SGK1: variants seen among roughly 807,000 people sequenced by gnomAD.
The protein encoded by SGK1 is serum/glucocorticoid regulated kinase 1, also known as serine/threonine-protein kinase Sgk1.
Under a neutral mutation model 64.2 loss-of-function variants are expected in SGK1, and 26 were observed. The observed-to-expected ratio is 0.40, with a 90% CI of 0.30 to 0.56. The LOEUF is 0.56. Ranked by LOEUF, SGK1 falls within the 20% of genes least tolerant of loss-of-function variation. The pLI, the probability that SGK1 is intolerant of heterozygous loss-of-function variation, is 0.38. For missense variants in SGK1, 519 were observed against 645.6 expected (o/e 0.80, Z 2.12); for synonymous variants, 265 against 239.7 (o/e 1.11, Z -0.98).
At chr6:134,286,338 G>A (rs1304520290) in intron 1 of SGK1, among the ~76,000 whole-genome samples, 1 of 152,144 alleles carries the variant, frequency 6.6e-6, no homozygotes, top group Admixed American at 6.5e-5. Flanking sequence ...CACACCTGTA[G>A]TCCCAACTGC....
At chr6:134,238,027 T>C (rs1324691473) in intron 2 of SGK1, among the ~76,000 whole-genome samples, 1 of 152,224 alleles carries the variant, frequency 6.6e-6, no homozygotes, top group Non-Finnish European at 1.5e-5. Context: ...TTGTATGACT[T>C]AATAATTCTT....
intron 1 of SGK1, among the ~76,000 whole-genome samples, chr6:134,294,992 G>A (rs1777324153): frequency 6.6e-6 from 1 of 152,156 alleles, no homozygotes; most frequent in Non-Finnish European, 1.5e-5. Context: ...GCAGGTCCTG[G>A]TAAAACGATT....
intron 3 of SGK1, among the ~76,000 whole-genome samples, chr6:134,186,244 G>C (rs537530962): frequency 6.6e-6 from 1 of 152,142 alleles, no homozygotes; most frequent in Non-Finnish European, 1.5e-5. Context: ...CACCTGTTCT[G>C]TGTACAACAG....
intron 13 of SGK1, 93 bp downstream of exon 13, chr6:134,170,733 A>G: frequency 1.2e-6 from 1 of 858,248 alleles, no homozygotes. Context: ...AACATCTGCC[A>G]ATGTATTCCT....
intron 3 of SGK1, chr6:134,176,026 A>C: frequency 9.9e-7 from 1 of 1,010,734 alleles, no homozygotes; most frequent in Non-Finnish European, 1.2e-6. Context: ...AATCTCTGAG[A>C]ACATTTTGTC....
chr6:134,279,881 G>C lies in SGK1; in HGVS notation c.70-17733C>G, dbSNP rs551156107. ...AAGTAAAATATAAACACTTAGCTTT[G>C]CTTAGAAAGCCTACTGTTGGGAAAA... is the stretch of plus-strand genomic sequence containing the variant. On this transcript the variant is annotated intron_variant, in intron 1 of 13. Coordinates refer to ENST00000367858, the MANE Select transcript of SGK1 (RefSeq NM_001143676.3). Among the ~76,000 whole-genome samples, 16 of 152,208 alleles carry C rather than the reference G, an allele frequency of 1.1e-4. No individual in the cohort carries two copies. In the South Asian group the frequency reaches 3.3e-3, roughly 32 times the overall value.
chr6:134,189,306 AATC>A (rs1195232922), intron 3 of SGK1, among the ~76,000 whole-genome samples: 1 of 151,864 alleles, frequency 6.6e-6, no homozygotes, highest in Non-Finnish European at 1.5e-5. Flanking sequence ...TTTGTTCCCT[AATC>A]ATCATTTCAC....
At chr6:134,192,801 C>T (rs528588920) in intron 3 of SGK1, among the ~76,000 whole-genome samples, 15 of 152,250 alleles carry the variant, frequency 9.9e-5, no homozygotes, top group African/African-American at 3.6e-4. Context: ...TCAAATGACC[C>T]GCCTGCCTTG....
chr6:134,192,501 C>T (rs1489778382), intron 3 of SGK1, among the ~76,000 whole-genome samples: 6 of 152,204 alleles, frequency 3.9e-5, no homozygotes, highest in South Asian at 2.1e-4. Flanking sequence ...CTCTTGAATT[C>T]GCTGGGGACC....
intron 3 of SGK1, among the ~76,000 whole-genome samples, chr6:134,178,173 G>A (rs535131254): frequency 3.9e-5 from 6 of 152,270 alleles, no homozygotes; most frequent in African/African-American, 1.4e-4. Flanking sequence ...AGATGCAACC[G>A]TATGATTTGT....
chr6:134,221,399 C>T (rs1275907534), intron 2 of SGK1, among the ~76,000 whole-genome samples: 3 of 152,314 alleles, frequency 2.0e-5, no homozygotes, highest in East Asian at 3.9e-4. Flanking sequence ...TGGGGTTGTA[C>T]TCACTGAGCC....
rs527544494 is a variant in SGK1, at chr6:134,272,307, ATTTT to A, written c.70-10163_70-10160del. Reference sequence around the variant, plus strand: ...AAGTGTGCACCACCATGACCAGCTAATTTTTTTTTTTTTTTTTTGTATTTTTAGT... The same window carrying A: ...AAGTGTGCACCACCATGACCAGCTAATTTTTTTTTTTTTTGTATTTTTAGT... On this transcript the variant is annotated intron_variant, in intron 1 of 13. Transcript: ENST00000367858. 2.8e-4 allele frequency among the ~76,000 whole-genome samples: 34 copies of A among 119,438 alleles called. 1 individual carries two copies. Among genetic ancestry groups the A allele is most frequent in the South Asian group, 5.8e-4 (2 of 3,472 alleles). 78.4% of individuals were successfully genotyped at this position (119,438 alleles called of 152,430 possible).
intron 1 of SGK1, among the ~76,000 whole-genome samples, chr6:134,265,787 T>C (rs1040414201): frequency 3.3e-5 from 5 of 150,180 alleles, no homozygotes; most frequent in African/African-American, 9.8e-5. Context: ...TTTATCAGAA[T>C]CATAAATGTA....
intron 1 of SGK1, among the ~76,000 whole-genome samples, chr6:134,264,731 C>T (rs1224686742): frequency 6.6e-6 from 1 of 152,070 alleles, no homozygotes; most frequent in African/African-American, 2.4e-5. Context: ...CAGCCTTAAC[C>T]TCCTAGGCTC....
At chr6:134,241,838 T>G (rs58736232) in intron 2 of SGK1, among the ~76,000 whole-genome samples, 5,071 of 151,778 alleles carry the variant, frequency 0.033, 103 homozygotes, top group Non-Finnish European at 0.038. Flanking sequence ...GCCAGGATGG[T>G]CTCGATCTCC....
intron 3 of SGK1, among the ~76,000 whole-genome samples, chr6:134,206,381 ATATTTTTTT>A (rs1313356103): frequency 3.6e-4 from 2 of 5,580 alleles, no homozygotes; most frequent in African/African-American, 1.0e-3. Flanking sequence ...ATATATATAT[ATATTTTTTT>A]TTTTTTTTTT....
chr6:134,175,396 G>T, intron 3 of SGK1: 1 of 1,249,036 alleles, frequency 8.0e-7, no homozygotes, highest in Non-Finnish European at 1.0e-6. Context: ...TGGGGCGCAG[G>T]CCTGCGCGCG....
At chr6:134,281,840 G>C (rs1314807866) in intron 1 of SGK1, among the ~76,000 whole-genome samples, 1 of 152,146 alleles carries the variant, frequency 6.6e-6, no homozygotes, top group Non-Finnish European at 1.5e-5. Flanking sequence ...ACTGGACTAG[G>C]AGAGTTGCTC....
intron 1 of SGK1, among the ~76,000 whole-genome samples, chr6:134,292,205 C>G (rs1475877984): frequency 6.6e-6 from 1 of 152,156 alleles, no homozygotes; most frequent in Non-Finnish European, 1.5e-5. Flanking sequence ...AAGTGAGACT[C>G]GTTTTACAGA....
Sources: gnomAD v4.1 joint callset for allele counts (sites outside exome capture counted in the v4.1 genomes callset) on GRCh38, gnomAD v4.1.1 for gene constraint, MANE v1.5 for transcripts, NCBI Gene and HGNC (gene_info 2026-07-23, HGNC 2026-07-21) for gene names.